Variants in ZSWIM6 observed in about 807,000 individuals in gnomAD.
The protein encoded by ZSWIM6 is zinc finger SWIM domain-containing protein 6.
ZSWIM6 carries 9 observed loss-of-function variants against 113.2 expected under a neutral mutation model. That is an observed-to-expected ratio of 0.08 (90% CI 0.05 to 0.14). ZSWIM6 has a LOEUF of 0.14. Among genes scored for constraint, ZSWIM6 ranks in the 10% least tolerant of loss-of-function variants. The pLI is 1.00. For synonymous variants in ZSWIM6, 611 were observed against 606.5 expected, an observed-to-expected ratio of 1.01 and a Z score of -0.11; for missense variants, 1,162 against 1,552.2, an observed-to-expected ratio of 0.75 and a Z score of 4.22.
intron 1 of ZSWIM6, among the ~76,000 whole-genome samples, chr5:61,451,324 C>G (rs185224369): frequency 6.6e-6 from 1 of 152,174 alleles, no homozygotes; most frequent in East Asian, 1.9e-4. Context: ...CCAAATTATG[C>G]TTTAAATTAT....
intron 1 of ZSWIM6, chr5:61,391,701 C>T (rs908363962): frequency 8.8e-7 from 1 of 1,137,118 alleles, no homozygotes; most frequent in Admixed American, 1.7e-5. Flanking sequence ...CGACTTCCCG[C>T]ATGATGTTGG....
At position 61,420,431 on chromosome 5, in the gene ZSWIM6, A is replaced by G. The variant is rs568938867; in HGVS notation, c.677-52250A>G. ...TCAGATAGGAAGAAAGATCACTTAT[A>G]ATAAGGTTTTAAAATGTTCTCCATA... On this transcript the variant is annotated intron_variant, in intron 1 of 13. Coordinates refer to ENST00000252744, the MANE Select transcript of ZSWIM6 (RefSeq NM_020928.2). Among the ~76,000 whole-genome samples, 4 of 152,240 alleles carry G rather than the reference A, an allele frequency of 2.6e-5. No homozygotes were observed. In the South Asian group the frequency reaches 8.3e-4, roughly 31 times the overall value.
At chr5:61,407,947 C>T (rs1440946639) in intron 1 of ZSWIM6, among the ~76,000 whole-genome samples, 2 of 152,122 alleles carry the variant, frequency 1.3e-5, no homozygotes, top group African/African-American at 2.4e-5. Flanking sequence ...TTGCTGTTAC[C>T]TCTCAGAATT....
chr5:61,482,996 A>G (rs185499968), intron 2 of ZSWIM6, among the ~76,000 whole-genome samples: 3 of 152,336 alleles, frequency 2.0e-5, no homozygotes, highest in African/African-American at 7.2e-5. Flanking sequence ...AAAAAATAAA[A>G]ATAAAAACCC....
intron 1 of ZSWIM6, among the ~76,000 whole-genome samples, chr5:61,423,164 T>A (rs1003631614): frequency 6.6e-6 from 1 of 152,104 alleles, no homozygotes; most frequent in African/African-American, 2.4e-5. Context: ...CCCAGCACTT[T>A]GGGAGGCCAA....
intron 2 of ZSWIM6, among the ~76,000 whole-genome samples, chr5:61,488,785 T>G (rs1287136610): frequency 6.6e-6 from 1 of 152,018 alleles, no homozygotes; most frequent in Non-Finnish European, 1.5e-5. Context: ...TCCTTGATTT[T>G]TTTTTTCAAT....
chr5:61,523,459 AT>A (rs1290235329), intron 5 of ZSWIM6, among the ~76,000 whole-genome samples: 1 of 152,158 alleles, frequency 6.6e-6, no homozygotes, highest in Non-Finnish European at 1.5e-5. Context: ...CAATTTTATA[AT>A]TTTTTTAGTA....
chr5:61,441,701 A>G (rs1321650623), intron 1 of ZSWIM6, among the ~76,000 whole-genome samples: 3 of 152,162 alleles, frequency 2.0e-5, no homozygotes, highest in Non-Finnish European at 4.4e-5. Context: ...TCCTGTAGTT[A>G]AGACTCAATT....
At chr5:61,497,383 C>T (rs918165689) in intron 4 of ZSWIM6, among the ~76,000 whole-genome samples, 21 of 152,080 alleles carry the variant, frequency 1.4e-4, no homozygotes, top group Non-Finnish European at 2.5e-4. Flanking sequence ...TTCTTTCTTT[C>T]AAGTGAATAT....
At chr5:61,355,503 G>C (rs571878058) in intron 1 of ZSWIM6, among the ~76,000 whole-genome samples, 2 of 147,706 alleles carry the variant, frequency 1.4e-5, no homozygotes, top group Non-Finnish European at 3.0e-5. Context: ...CACACTATTA[G>C]ATGGCAGGAG....
At chr5:61,516,798 C>A (rs183872981) in intron 4 of ZSWIM6, among the ~76,000 whole-genome samples, 1 of 151,800 alleles carries the variant, frequency 6.6e-6, no homozygotes, top group Non-Finnish European at 1.5e-5. Context: ...TATTTCTCCT[C>A]GGCATAAAGA....
At chr5:61,479,060 A>ACTT (rs988923960) in intron 2 of ZSWIM6, among the ~76,000 whole-genome samples, 3 of 151,906 alleles carry the variant, frequency 2.0e-5, no homozygotes, top group Non-Finnish European at 4.4e-5. Context: ...AATCCCAACT[A>ACTT]CTTGGGAGGC....
At chr5:61,534,035 T>C (rs544533920) in intron 9 of ZSWIM6, among the ~76,000 whole-genome samples, 1 of 152,358 alleles carries the variant, frequency 6.6e-6, no homozygotes, top group Admixed American at 6.5e-5. Flanking sequence ...GACCTCATTT[T>C]ACTTTAATGC....
chr5:61,355,244 G>A (rs1324504310), intron 1 of ZSWIM6, among the ~76,000 whole-genome samples: 4 of 152,128 alleles, frequency 2.6e-5, no homozygotes, highest in African/African-American at 9.7e-5. Flanking sequence ...CCCAGGAGAT[G>A]AGAATTCCTT....
At chr5:61,365,769 G>A (rs949888121) in intron 1 of ZSWIM6, among the ~76,000 whole-genome samples, 1 of 152,128 alleles carries the variant, frequency 6.6e-6, no homozygotes, top group Non-Finnish European at 1.5e-5. Context: ...TGTGCAAATA[G>A]CATTAGGTTG....
At chr5:61,464,699 TCCTC>T (rs1214560980) in intron 1 of ZSWIM6, among the ~76,000 whole-genome samples, 1 of 152,160 alleles carries the variant, frequency 6.6e-6, no homozygotes, top group East Asian at 1.9e-4. Flanking sequence ...ACTTTCCCCT[TCCTC>T]TTGGCCCTGG....
chr5:61,491,260 T>C (rs1267035859), intron 3 of ZSWIM6, among the ~76,000 whole-genome samples: 1 of 152,078 alleles, frequency 6.6e-6, no homozygotes, highest in East Asian at 1.9e-4. Context: ...TTTCCCTTTC[T>C]AGTTAATTTT....
chr5:61,404,246 C>T (rs1280693407), intron 1 of ZSWIM6, among the ~76,000 whole-genome samples: 1 of 152,156 alleles, frequency 6.6e-6, no homozygotes, highest in East Asian at 1.9e-4. Flanking sequence ...TTTTGTACCA[C>T]CGGAAAACTT....
intron 4 of ZSWIM6, among the ~76,000 whole-genome samples, chr5:61,512,377 C>G (rs1205345720): frequency 6.6e-6 from 1 of 152,110 alleles, no homozygotes; most frequent in Non-Finnish European, 1.5e-5. Flanking sequence ...TGAAGGACAT[C>G]TAGATTGGTT....
Sources: gnomAD v4.1 joint callset for allele counts (sites outside exome capture counted in the v4.1 genomes callset) on GRCh38, gnomAD v4.1.1 for gene constraint, MANE v1.5 for transcripts, NCBI Gene and HGNC (gene_info 2026-07-23, HGNC 2026-07-21) for gene names.